The following MACROD2 variants were observed in gnomAD, a reference collection of about 807,000 sequenced individuals.
MACROD2 encodes the protein mono-ADP ribosylhydrolase 2.
In MACROD2, 36 loss-of-function variants were observed where a neutral mutation model predicts 70.4. That is an observed-to-expected ratio of 0.51 (90% CI 0.39 to 0.68). The LOEUF (loss-of-function observed/expected upper bound fraction) is 0.68, where lower values mean the gene tolerates loss of function less well. Among genes scored for constraint, MACROD2 ranks in the 30% least tolerant of loss-of-function variants. The pLI is 0.00. For missense variants in MACROD2, 496 were observed against 538.4 expected, an observed-to-expected ratio of 0.92 and a Z score of 0.78; for synonymous variants, 172 against 178.8, an observed-to-expected ratio of 0.96 and a Z score of 0.30.
chr20:15,211,136 A>G (rs2076760204), intron 5 of MACROD2, among the ~76,000 whole-genome samples: 1 of 152,164 alleles, frequency 6.6e-6, no homozygotes, highest in Non-Finnish European at 1.5e-5. Context: ...CCATTAATCT[A>G]CATTCTGCCT....
chr20:14,235,241 A>G (rs867878779), intron 3 of MACROD2, among the ~76,000 whole-genome samples: 4 of 152,256 alleles, frequency 2.6e-5, no homozygotes, highest in Non-Finnish European at 5.9e-5. Context: ...AAAGCCTAAA[A>G]TTATAGTAGA....
chr20:14,878,551 G>C (rs779851035), intron 5 of MACROD2, among the ~76,000 whole-genome samples: 3 of 152,080 alleles, frequency 2.0e-5, no homozygotes, highest in Admixed American at 1.3e-4. Flanking sequence ...ATAGACTCAG[G>C]ATAGGGGACC....
intron 6 of MACROD2, among the ~76,000 whole-genome samples, chr20:15,393,064 G>A (rs1219112135): frequency 6.6e-6 from 1 of 151,694 alleles, no homozygotes; most frequent in East Asian, 1.9e-4. Context: ...TTTCTTGTCT[G>A]GACTCAAGAC....
intron 3 of MACROD2, among the ~76,000 whole-genome samples, chr20:14,095,618 TATCTATATTAA>T (rs1380235230): frequency 7.2e-5 from 11 of 152,248 alleles, no homozygotes; most frequent in African/African-American, 2.7e-4. Context: ...CTAAGCCATC[TATCTATATTAA>T]ATATAGATAA....
intron 3 of MACROD2, among the ~76,000 whole-genome samples, chr20:14,447,409 G>A (rs144266359): frequency 1.2e-3 from 180 of 152,276 alleles, no homozygotes; most frequent in African/African-American, 4.2e-3. Context: ...TAAAGATTTT[G>A]TGAGGACAAT....
chr20:14,749,766 G>A (rs1437650679), intron 5 of MACROD2, among the ~76,000 whole-genome samples: 3 of 151,992 alleles, frequency 2.0e-5, no homozygotes, highest in Non-Finnish European at 4.4e-5. Context: ...TAGATTTTAA[G>A]CATTATTTGT....
intron 8 of MACROD2, among the ~76,000 whole-genome samples, chr20:15,535,721 C>G (rs2047865576): frequency 6.6e-6 from 1 of 152,186 alleles, no homozygotes; most frequent in Non-Finnish European, 1.5e-5. Context: ...AATCCCGCGT[C>G]TCCCACCTCT....
chr20:14,795,810 G>A (rs1045061927), intron 5 of MACROD2, among the ~76,000 whole-genome samples: 7 of 152,068 alleles, frequency 4.6e-5, no homozygotes, highest in Non-Finnish European at 8.8e-5. Flanking sequence ...GGAATAGTAG[G>A]AGTGACAAAT....
chr20:14,555,510 G>T (rs1195949988), intron 4 of MACROD2, among the ~76,000 whole-genome samples: 2 of 151,958 alleles, frequency 1.3e-5, no homozygotes, highest in Non-Finnish European at 1.5e-5. Flanking sequence ...AATTCTTCAA[G>T]AGAATTAAAA....
chr20:14,292,704 G>A lies in MACROD2; in HGVS notation c.272-200775G>A, dbSNP rs552188613. Among the ~76,000 whole-genome samples, 10 of 151,532 alleles carry A rather than the reference G, an allele frequency of 6.6e-5. No individual in the cohort carries two copies. The South Asian group carries it at 8.4e-4, about 13-fold the overall frequency. On this transcript the variant is annotated intron_variant, in intron 3 of 17. Transcript: ENST00000684519. ...GGCTGGAGTGCAGAGGTGTGATCTC[G>A]GCTCACTGCAACCTCCGCCTCCCAG...
intron 8 of MACROD2, among the ~76,000 whole-genome samples, chr20:15,738,789 G>GACCTAC (rs1228237493): frequency 6.6e-6 from 1 of 152,090 alleles, no homozygotes; most frequent in Non-Finnish European, 1.5e-5. Context: ...GGATCTTGGG[G>GACCTAC]TCAAGCAGAG....
intron 3 of MACROD2, among the ~76,000 whole-genome samples, chr20:14,141,549 C>T (rs568607643): frequency 6.6e-5 from 10 of 151,632 alleles, no homozygotes; most frequent in South Asian, 2.1e-4. Context: ...AGTTCGGGAC[C>T]GGCCTGTCCA....
At chr20:15,520,909 G>C (rs1249547419) in intron 8 of MACROD2, among the ~76,000 whole-genome samples, 1 of 152,334 alleles carries the variant, frequency 6.6e-6, no homozygotes, top group East Asian at 1.9e-4. Context: ...ACTGCACATA[G>C]ATCTCACTAG....
intron 3 of MACROD2, among the ~76,000 whole-genome samples, chr20:14,416,549 T>C (rs1419648854): frequency 1.3e-5 from 2 of 152,194 alleles, no homozygotes; most frequent in Non-Finnish European, 2.9e-5. Context: ...TTGATTTGCA[T>C]GCATAAGAAA....
intron 3 of MACROD2, among the ~76,000 whole-genome samples, chr20:14,430,666 G>C (rs2083985189): frequency 6.6e-6 from 1 of 152,094 alleles, no homozygotes; most frequent in Admixed American, 6.6e-5. Context: ...TTCTTTTTCA[G>C]TATGAGAATC....
At chr20:15,630,752 CTT>C (rs540547512) in intron 8 of MACROD2, among the ~76,000 whole-genome samples, 45 of 152,336 alleles carry the variant, frequency 3.0e-4, no homozygotes, top group African/African-American at 1.0e-3. Flanking sequence ...TTTCCTAACT[CTT>C]TGTGAATTAC....
At chr20:14,025,614 T>G (rs554871621) in intron 2 of MACROD2, among the ~76,000 whole-genome samples, 2 of 152,336 alleles carry the variant, frequency 1.3e-5, no homozygotes, top group African/African-American at 2.4e-5. Flanking sequence ...CAGTAGTCAT[T>G]CAGGAGCAGG....
intron 5 of MACROD2, among the ~76,000 whole-genome samples, chr20:14,815,424 T>C (rs777055564): frequency 1.4e-4 from 22 of 152,100 alleles, no homozygotes; most frequent in Non-Finnish European, 2.2e-4. Flanking sequence ...CCAAATGACA[T>C]TGAAGTTTTT....
chr20:14,982,472 G>T (rs1019042078), intron 5 of MACROD2, among the ~76,000 whole-genome samples: 1 of 152,158 alleles, frequency 6.6e-6, no homozygotes, highest in Admixed American at 6.5e-5. Flanking sequence ...CACAGGCCTG[G>T]AGGCACAGGA....
Sources: allele counts gnomAD v4.1 joint callset (sites outside exome capture counted in the v4.1 genomes callset), GRCh38; gene constraint gnomAD v4.1.1; transcripts MANE v1.5; gene names NCBI Gene and HGNC (gene_info 2026-07-23, HGNC 2026-07-21).